TSPAN14: variants seen among roughly 807,000 people sequenced by gnomAD.
TSPAN14 encodes tetraspanin-14.
TSPAN14 carries 16 observed loss-of-function variants against 36.6 expected under a neutral mutation model. The ratio of observed to expected loss-of-function variants is 0.44; its 90% CI spans 0.30 to 0.66. TSPAN14 has a LOEUF of 0.66. Among genes scored for constraint, TSPAN14 ranks in the 30% least tolerant of loss-of-function variants. The pLI, the probability that TSPAN14 is intolerant of heterozygous loss-of-function variation, is 0.12. For synonymous variants in TSPAN14, 139 were observed against 143.8 expected, an observed-to-expected ratio of 0.97 and a Z score of 0.24; for missense variants, 231 against 355.1, an observed-to-expected ratio of 0.65 and a Z score of 2.81.
chr10:80,457,441 G>A (rs1203953712), intron 1 of TSPAN14, among the ~76,000 whole-genome samples: 2 of 152,186 alleles, frequency 1.3e-5, no homozygotes, highest in East Asian at 3.9e-4. Flanking sequence ...CGCCCGCCTC[G>A]GCCTCCCAAA....
intron 1 of TSPAN14, among the ~76,000 whole-genome samples, chr10:80,474,807 G>A (rs1463208471): frequency 6.6e-6 from 1 of 152,102 alleles, no homozygotes; most frequent in African/African-American, 2.4e-5. Flanking sequence ...CCACTGTCAT[G>A]TCATCCGGCT....
intron 8 of TSPAN14, among the ~76,000 whole-genome samples, chr10:80,517,463 C>G (rs1840997606): frequency 6.6e-6 from 1 of 152,188 alleles, no homozygotes. Context: ...ATTAGCACAG[C>G]CAAAATTGGG....
chr10:80,483,010 T>G (rs902105568), intron 1 of TSPAN14, among the ~76,000 whole-genome samples: 1 of 152,136 alleles, frequency 6.6e-6, no homozygotes, highest in African/African-American at 2.4e-5. Flanking sequence ...GCTGGGATTA[T>G]AGGCGTGAGC....
chr10:80,479,224 T>C (rs1169361529), intron 1 of TSPAN14, among the ~76,000 whole-genome samples: 4 of 151,646 alleles, frequency 2.6e-5, no homozygotes, highest in African/African-American at 4.8e-5. Flanking sequence ...TGCGAAAATT[T>C]TCTCCCATTT....
In TSPAN14 at chr10:80,496,330, T is replaced by G. The variant is rs575770691; in HGVS notation, c.81+7016T>G. Among the ~76,000 whole-genome samples, 4 of 152,322 alleles carry G rather than the reference T, an allele frequency of 2.6e-5. No individual in the cohort carries two copies. In the South Asian group the frequency reaches 8.3e-4, roughly 32 times the overall value. The stretch of plus-strand genomic sequence containing the variant: ...GTACATTTTCTGCATCCCACACATT[T>G]TGATATGTTTTCACTTGATTTGGTA... On this transcript the variant is annotated intron_variant, in intron 2 of 8. Coordinates refer to ENST00000429989, the Ensembl canonical transcript of TSPAN14.
chr10:80,517,764 C>T (rs548595921), intron 8 of TSPAN14, 141 bp from the exon 9 acceptor site: 40 of 780,112 alleles, frequency 5.1e-5, no homozygotes, highest in Admixed American at 2.3e-4. Context: ...ACTCGCTCTG[C>T]GGTGCTGTCT....
exon 9 of TSPAN14, chr10:80,520,054 A>G (rs1176019134): frequency 6.4e-6 from 1 of 156,774 alleles, no homozygotes; most frequent in Non-Finnish European, 1.4e-5. Flanking sequence ...AAGCCTGGGC[A>G]CTGCTGCTGC....
At chr10:80,488,116 C>T (rs1412107040) in intron 1 of TSPAN14, among the ~76,000 whole-genome samples, 2 of 152,190 alleles carry the variant, frequency 1.3e-5, no homozygotes, top group African/African-American at 4.8e-5. Context: ...CTGTGTTACT[C>T]TCCTCACCTG....
At chr10:80,472,193 C>CA (rs1554857921) in intron 1 of TSPAN14, among the ~76,000 whole-genome samples, 1 of 151,384 alleles carries the variant, frequency 6.6e-6, no homozygotes, top group African/African-American at 2.4e-5. Context: ...GTTTTGTTTG[C>CA]TTTTTTTTTG....
intron 2 of TSPAN14, among the ~76,000 whole-genome samples, chr10:80,502,728 A>C (rs1045832914): frequency 1.3e-5 from 2 of 152,114 alleles, no homozygotes; most frequent in Non-Finnish European, 2.9e-5. Flanking sequence ...CTGTCTTAGG[A>C]GGACAAGTAA....
exon 9 of TSPAN14, chr10:80,520,628 C>T (rs994338988): frequency 1.9e-6 from 1 of 533,326 alleles, no homozygotes; most frequent in Non-Finnish European, 3.8e-6. Flanking sequence ...CGTTATTTTT[C>T]CTGTCCCGTC....
intron 1 of TSPAN14, among the ~76,000 whole-genome samples, chr10:80,485,417 T>A (rs1190776696): frequency 6.6e-6 from 1 of 152,192 alleles, no homozygotes; most frequent in African/African-American, 2.4e-5. Context: ...GTAAATGCCC[T>A]AGTAGCTCCG....
chr10:80,500,789 T>A (rs1463520974), intron 2 of TSPAN14, among the ~76,000 whole-genome samples: 1 of 152,170 alleles, frequency 6.6e-6, no homozygotes, highest in African/African-American at 2.4e-5. Flanking sequence ...GTGTGGTCTG[T>A]GGGCCATATG....
At chr10:80,454,834 G>T (rs1290233575) in intron 1 of TSPAN14, among the ~76,000 whole-genome samples, 2 of 152,156 alleles carry the variant, frequency 1.3e-5, no homozygotes, top group East Asian at 1.9e-4. Context: ...GCTCCCAGGA[G>T]ATCGGGTCCG....
intron 2 of TSPAN14, among the ~76,000 whole-genome samples, chr10:80,503,627 A>G (rs1215782077): frequency 6.6e-6 from 1 of 151,936 alleles, no homozygotes; most frequent in Non-Finnish European, 1.5e-5. Flanking sequence ...GCATGTGTGC[A>G]TTTTCTGAAA....
chr10:80,494,611 C>G (rs1334893665), intron 2 of TSPAN14, among the ~76,000 whole-genome samples: 1 of 152,172 alleles, frequency 6.6e-6, no homozygotes. Flanking sequence ...CCAGGATAGT[C>G]TGCTGTTCCT....
chr10:80,499,416 TGCCCTGGTTGGGACACA>T (rs1848374010), intron 2 of TSPAN14, among the ~76,000 whole-genome samples: 1 of 152,222 alleles, frequency 6.6e-6, no homozygotes, highest in South Asian at 2.1e-4. Flanking sequence ...CTTGTCCACC[TGCCCTGGTTGGGACACA>T]GCGTGGTCTC....
At position 80,457,222 on chromosome 10, in the gene TSPAN14, A is replaced by G. The variant is rs143560608; in HGVS notation, c.-18+2851A>G. On this transcript the variant is annotated intron_variant, in intron 1 of 8. Coordinates refer to ENST00000429989, the Ensembl canonical transcript of TSPAN14. Reference sequence around the variant, plus strand: ...TTTTTTTGATACTGAGTCTCACTCTATTGCCCAGGCTGGAGTGCAGTGGCG... The same window carrying G: ...TTTTTTTGATACTGAGTCTCACTCTGTTGCCCAGGCTGGAGTGCAGTGGCG... Among the ~76,000 whole-genome samples, 13 of 150,866 alleles carry G rather than the reference A, an allele frequency of 8.6e-5. No homozygotes were observed. In the East Asian group the frequency reaches 1.4e-3, roughly 16 times the overall value.
exon 9 of TSPAN14, chr10:80,519,653 TG>T (rs1323226915): frequency 6.6e-6 from 1 of 152,546 alleles, no homozygotes; most frequent in East Asian, 1.9e-4. Flanking sequence ...CATTTTTGTT[TG>T]GGGTCACTAT....
Sources: allele counts gnomAD v4.1 joint callset (sites outside exome capture counted in the v4.1 genomes callset), GRCh38; gene constraint gnomAD v4.1.1; transcripts MANE v1.5; gene names NCBI Gene and HGNC (gene_info 2026-07-23, HGNC 2026-07-21).